The following BABAM2 variants were observed in gnomAD, a reference collection of about 807,000 sequenced individuals.
BABAM2 encodes the protein BRISC and BRCA1 A complex member 2.
In BABAM2, 31 loss-of-function variants were observed where a neutral mutation model predicts 54.7. The observed-to-expected ratio is 0.57, with a 90% CI of 0.43 to 0.77. The LOEUF is 0.77. BABAM2 is among the 30% of genes least tolerant of loss of function. The probability of loss-of-function intolerance (pLI) is 0.00; values close to 1 mark genes in which losing one functional copy is unlikely to be tolerated. For synonymous variants in BABAM2, 167 were observed against 162.9 expected (o/e 1.03, Z -0.19); for missense variants, 364 against 455.8 (o/e 0.80, Z 1.83).
intron 7 of BABAM2, among the ~76,000 whole-genome samples, chr2:28,163,201 C>A (rs571993167): frequency 1.2e-4 from 19 of 152,254 alleles, no homozygotes; most frequent in Non-Finnish European, 2.6e-4. Flanking sequence ...CGGCAGCCAC[C>A]CTGCTTCCCC....
At chr2:28,004,982 A>G (rs1673854575) in intron 4 of BABAM2, among the ~76,000 whole-genome samples, 1 of 152,236 alleles carries the variant, frequency 6.6e-6, no homozygotes, top group South Asian at 2.1e-4. Flanking sequence ...TTTGACTTTA[A>G]TTTAAAACTA....
chr2:28,330,949 C>T (rs891542047), intron 11 of BABAM2, among the ~76,000 whole-genome samples: 8 of 152,134 alleles, frequency 5.3e-5, no homozygotes, highest in South Asian at 4.1e-4. Flanking sequence ...GTAACCAAAA[C>T]GGCATGGTAC....
At chr2:28,138,745 C>T (rs533530954) in intron 7 of BABAM2, among the ~76,000 whole-genome samples, 90 of 152,232 alleles carry the variant, frequency 5.9e-4, no homozygotes, top group African/African-American at 2.1e-3. Context: ...ACCCAGGCAT[C>T]CTATTTTTGA....
At chr2:28,087,792 G>T (rs1453649793) in intron 6 of BABAM2, among the ~76,000 whole-genome samples, 1 of 152,090 alleles carries the variant, frequency 6.6e-6, no homozygotes, top group African/African-American at 2.4e-5. Flanking sequence ...GGGATTACAG[G>T]CGTGCGCCAC....
chr2:28,288,052 C>T (rs896302165), intron 10 of BABAM2, among the ~76,000 whole-genome samples: 1 of 152,120 alleles, frequency 6.6e-6, no homozygotes, highest in African/African-American at 2.4e-5. Flanking sequence ...GAGAACTCAC[C>T]CTGAGTGAGC....
At chr2:28,267,254 A>G (rs1685058813) in intron 10 of BABAM2, among the ~76,000 whole-genome samples, 1 of 152,156 alleles carries the variant, frequency 6.6e-6, no homozygotes, top group African/African-American at 2.4e-5. Flanking sequence ...CTGTAGTACA[A>G]TATCAACAAC....
intron 6 of BABAM2, among the ~76,000 whole-genome samples, chr2:28,090,780 G>A (rs964489171): frequency 5.3e-5 from 8 of 152,132 alleles, no homozygotes; most frequent in South Asian, 2.1e-4. Flanking sequence ...GGTTAGTAGC[G>A]TTATTTTGTT....
chr2:28,082,130 A>G (rs1665229285), intron 6 of BABAM2, among the ~76,000 whole-genome samples: 1 of 152,202 alleles, frequency 6.6e-6, no homozygotes, highest in African/African-American at 2.4e-5. Flanking sequence ...ACAACCATGC[A>G]CAGAAGAACA....
intron 11 of BABAM2, among the ~76,000 whole-genome samples, chr2:28,321,259 G>A (rs997631516): frequency 2.4e-4 from 36 of 152,234 alleles, no homozygotes; most frequent in African/African-American, 8.7e-4. Flanking sequence ...AGACTTGGGG[G>A]CTTTTCCAGA....
intron 7 of BABAM2, among the ~76,000 whole-genome samples, chr2:28,181,832 G>A (rs1176930831): frequency 6.6e-6 from 1 of 151,988 alleles, no homozygotes; most frequent in Non-Finnish European, 1.5e-5. Flanking sequence ...AAGAGAGGGA[G>A]TAGGGGTTGG....
At chr2:28,056,936 A>G (rs1021047055) in intron 6 of BABAM2, among the ~76,000 whole-genome samples, 8 of 152,254 alleles carry the variant, frequency 5.3e-5, no homozygotes, top group Admixed American at 2.0e-4. Flanking sequence ...TAAGTGGTCT[A>G]TATTTTCCTC....
At chr2:28,052,136 G>A (rs1421909479) in intron 6 of BABAM2, among the ~76,000 whole-genome samples, 1 of 152,150 alleles carries the variant, frequency 6.6e-6, no homozygotes, top group African/African-American at 2.4e-5. Flanking sequence ...TGAATGATTA[G>A]AAAATGTACT....
intron 7 of BABAM2, among the ~76,000 whole-genome samples, chr2:28,177,966 G>A (rs1675194385): frequency 6.6e-6 from 1 of 151,788 alleles, no homozygotes; most frequent in African/African-American, 2.4e-5. Flanking sequence ...AGACATATAT[G>A]CAGACAACAC....
At chr2:27,888,900 C>A (rs140633178), upstream of BABAM2, among the ~76,000 whole-genome samples, 4 of 152,204 alleles carry the variant, frequency 2.6e-5, no homozygotes, top group African/African-American at 7.2e-5. Context: ...GATGTACAGG[C>A]CTCTTCAACA....
At chr2:28,033,777 A>G (rs1485715996) in intron 5 of BABAM2, among the ~76,000 whole-genome samples, 2 of 147,572 alleles carry the variant, frequency 1.4e-5, no homozygotes, top group African/African-American at 4.9e-5. Context: ...TTGGCTTATC[A>G]TACCTAACAT....
chr2:28,218,056 C>T (rs919478925), intron 7 of BABAM2, among the ~76,000 whole-genome samples: 8 of 152,150 alleles, frequency 5.3e-5, no homozygotes, highest in African/African-American at 1.9e-4. Flanking sequence ...TCCTTTTACA[C>T]AGATTCCCTA....
intron 7 of BABAM2, among the ~76,000 whole-genome samples, chr2:28,180,653 G>GA (rs1377036973): frequency 4.6e-5 from 7 of 152,088 alleles, no homozygotes; most frequent in African/African-American, 1.7e-4. Context: ...CACAACAAAG[G>GA]AAACAAATCA....
At chr2:28,253,884 C>T (rs927574247) in intron 10 of BABAM2, among the ~76,000 whole-genome samples, 3 of 152,168 alleles carry the variant, frequency 2.0e-5, no homozygotes, top group South Asian at 4.1e-4. Context: ...AGGTTGTTCA[C>T]TTATAATCCC....
chr2:28,034,064 A>G (rs1341323359), intron 5 of BABAM2, among the ~76,000 whole-genome samples: 1 of 152,172 alleles, frequency 6.6e-6, no homozygotes, highest in East Asian at 1.9e-4. Flanking sequence ...TTGTGGAGAA[A>G]AGAAAGGAGC....
Sources: gnomAD v4.1 joint callset for allele counts (sites outside exome capture counted in the v4.1 genomes callset) on GRCh38, gnomAD v4.1.1 for gene constraint, MANE v1.5 for transcripts, NCBI Gene and HGNC (gene_info 2026-07-23, HGNC 2026-07-21) for gene names.